Variants in PDHB observed in about 807,000 individuals in gnomAD.
PDHB encodes the protein pyruvate dehydrogenase E1 component subunit beta, mitochondrial.
PDHB carries 17 observed loss-of-function variants against 42.8 expected under a neutral mutation model. That is an observed-to-expected ratio of 0.40 (90% CI 0.27 to 0.60). The LOEUF is 0.60. Among genes scored for constraint, PDHB ranks in the 20% least tolerant of loss-of-function variants. PDHB has a pLI of 0.46. For synonymous variants in PDHB, 154 were observed against 148.7 expected (o/e 1.04, Z -0.26); for missense variants, 322 against 451.3 (o/e 0.71, Z 2.60).
chr3:58,429,952 AAC>A, intron 7 of PDHB, 153 bp from the exon 8 acceptor site: 2 of 735,030 alleles, frequency 2.7e-6, no homozygotes, highest in East Asian at 2.7e-5. Context: ...CTAGAAATGA[AAC>A]ACAAACCTAC....
At position 58,431,555 on chromosome 3, in the gene PDHB, A is replaced by T. The variant is rs536665920; in HGVS notation, c.303+38T>A. The T allele has an allele frequency of 1.3e-6, 2 of 1,527,668 alleles. No homozygotes were observed. Among genetic ancestry groups the T allele is most frequent in the South Asian group, 2.2e-5 (2 of 89,182 alleles). 94.6% of individuals were successfully genotyped at this position (1,527,668 alleles called of 1,614,324 possible). ...CAAAAGAAAAAAAAAGAAAACAAGA[A>T]ATGTCTTTGGATAAGTTTCATAAAG... On this transcript the variant is annotated intron_variant, in intron 5 of 9. Transcript: ENST00000302746. The surrounding 1 kb of genome is among the most constrained non-coding windows in gnomAD (Gnocchi z 4.4).
At chr3:58,429,180 C>G (rs1308502781) in intron 8 of PDHB, among the ~76,000 whole-genome samples, 1 of 152,208 alleles carries the variant, frequency 6.6e-6, no homozygotes, top group Non-Finnish European at 1.5e-5. Flanking sequence ...CCATCATGTA[C>G]CAAGCACTAC....
At position 58,429,901 on chromosome 3, in the gene PDHB, T is replaced by C. The variant is rs771948680; in HGVS notation, c.701-102A>G. On this transcript the variant is annotated intron_variant, in intron 7 of 9. Transcript: ENST00000302746. The stretch of plus-strand genomic sequence containing the variant: ...TCTTGTTCATTCATAAAGTCTTCAA[T>C]TCAACTTCATTCCAGTGAGCTGAGG... The C allele has an allele frequency of 4.3e-4, 341 of 795,256 alleles. No individual in the cohort carries two copies. The highest frequency in any genetic ancestry group is 5.7e-4 in the Non-Finnish European group (252 of 445,412). The allele number at this position is 795,256 out of a possible 1,614,324, so 49.3% of individuals were successfully genotyped here. A position where few individuals can be genotyped will look rare whatever the true frequency, so the allele number is the denominator to read the frequency against.
chr3:58,433,750 C>T lies in PDHB; in HGVS notation c.42+18G>A. 1 of 1,612,294 alleles carries T rather than the reference C, an allele frequency of 6.2e-7. No individual in the cohort carries two copies. On this transcript the variant is annotated intron_variant, in intron 1 of 9. Coordinates refer to ENST00000302746, the MANE Select transcript of PDHB (RefSeq NM_000925.4). ...GGCAGGGGTCGCGTGGGAATACAGG[C>T]CGCGCGCTGCTGCCTACCTCCCGAA...
rs1389867739 is a variant in PDHB, at chr3:58,427,723, G to A, written c.*311C>T. ...TTTATACATATAAGTTATCTTGTTT[G>A]GATACATCTTTCATGAGGACTCTGC... On this transcript the variant is annotated 3_prime_UTR_variant, in exon 10 of 10. Transcript: ENST00000302746. The A allele has an allele frequency of 6.3e-6, 3 of 478,326 alleles. No homozygotes were observed. The highest frequency in any genetic ancestry group is 4.7e-5 in the Admixed American group (2 of 42,796). The allele number at this position is 478,326 out of a possible 1,614,324, so 29.6% of individuals were successfully genotyped here. A position where few individuals can be genotyped will look rare whatever the true frequency, so the allele number is the denominator to read the frequency against.
In PDHB at chr3:58,427,837, G is replaced by A. The variant is rs1325931358; in HGVS notation, c.*197C>T. The A allele has an allele frequency of 1.5e-6, 1 of 652,684 alleles. No individual in the cohort carries two copies. Among genetic ancestry groups the A allele is most frequent in the Non-Finnish European group, 2.8e-6 (1 of 355,904 alleles). 40.4% of individuals were successfully genotyped at this position (652,684 alleles called of 1,614,324 possible). A position where few individuals can be genotyped will look rare whatever the true frequency, so the allele number is the denominator to read the frequency against. ...AACATGGCAACCGTAACAGACAAAA[G>A]GAAGCATGGCATCTAGGGGAGGAGA... On this transcript the variant is annotated 3_prime_UTR_variant, in exon 10 of 10. Coordinates refer to ENST00000302746, the MANE Select transcript of PDHB (RefSeq NM_000925.4).
intron 7 of PDHB, 145 bp from the exon 8 acceptor site, chr3:58,429,944 AGAAAT>A (rs1166581522): frequency 1.4e-6 from 1 of 740,344 alleles, no homozygotes; most frequent in Non-Finnish European, 2.4e-6. Flanking sequence ...CAGCCTTCCT[AGAAAT>A]GAAACACAAA....
In PDHB at chr3:58,431,737, T is replaced by G; in HGVS notation, c.261A>C (p.Ile87=). ...YGDKRIIDTP[I]SEMGFAGIAV... ...TTCCCACTGGAAGGCTTACCTCTGA[T>G]ATGGGAGTGTCAATAATCCTCTTGT... Residue 87 remains isoleucine, a synonymous_variant, in exon 4 of 10, where the codon ATA becomes ATC. Coordinates refer to ENST00000302746, the MANE Select transcript of PDHB (RefSeq NM_000925.4). The surrounding 1 kb of genome is among the most constrained non-coding windows in gnomAD (Gnocchi z 4.4). 6.2e-7 allele frequency: 1 copy of G among 1,613,310 alleles called. No homozygotes were observed. Among genetic ancestry groups the G allele is most frequent in the Non-Finnish European group, 8.5e-7 (1 of 1,179,232 alleles).
In PDHB at chr3:58,431,933, C is replaced by T. The variant is rs111470467; in HGVS notation, c.148G>A (p.Asp50Asn). The T allele has an allele frequency of 3.1e-6, 5 of 1,613,986 alleles. No homozygotes were observed. The highest frequency in any genetic ancestry group is 8.5e-7 in the Non-Finnish European group (1 of 1,179,936). ...NQGMDEELER[D>N]EKVFLLGEEV... ...TCTCCAAGCAGAAATACCTTCTCAT[C>T]TCTTTCCAGCTCCTCATCCATACCC... The change falls in exon 3 of 10, where the codon GAT becomes AAT. Residue 50 changes from aspartate (D) to asparagine (N), a missense_variant. Coordinates refer to ENST00000302746, the MANE Select transcript of PDHB (RefSeq NM_000925.4). This position sits in a 1 kb window ranked among gnomAD's most constrained non-coding sequence, Gnocchi z 4.4.
chr3:58,427,681 A>G lies in PDHB; in HGVS notation c.*353T>C, dbSNP rs1126735. ...ATCAAAACAAACTAACAGTAAATGT[A>G]TATTATATGCTTTAATTTTATACAT... On this transcript the variant is annotated 3_prime_UTR_variant, in exon 10 of 10. Transcript: ENST00000302746. The G allele has an allele frequency of 0.3, 119,374 of 401,114 alleles. 20,220 individuals are homozygous for G. The highest frequency in any genetic ancestry group is 0.41 in the Middle Eastern group (479 of 1,170). The allele number at this position is 401,114 out of a possible 1,614,324, so 24.8% of individuals were successfully genotyped here.
Position 58,427,840 on chromosome 3 carries a change from A to C in PDHB, c.*194T>G, listed in dbSNP as rs2062882638. 1.5e-6 allele frequency: 1 copy of C among 655,464 alleles called. No individual in the cohort carries two copies. The highest frequency in any genetic ancestry group is 2.8e-6 in the Non-Finnish European group (1 of 357,442). The allele number at this position is 655,464 out of a possible 1,614,324, so 40.6% of individuals were successfully genotyped here. On this transcript the variant is annotated 3_prime_UTR_variant, in exon 10 of 10. Coordinates refer to ENST00000302746, the MANE Select transcript of PDHB (RefSeq NM_000925.4). Reference sequence around the variant, plus strand: ...ATGGCAACCGTAACAGACAAAAGGAAGCATGGCATCTAGGGGAGGAGAGTG... The same window carrying C: ...ATGGCAACCGTAACAGACAAAAGGACGCATGGCATCTAGGGGAGGAGAGTG...
intron 2 of PDHB, chr3:58,433,364 A>AAT: frequency 1.7e-6 from 1 of 593,734 alleles, no homozygotes; most frequent in South Asian, 2.0e-5. Flanking sequence ...ATTTTGCTGC[A>AAT]ATTTAAAGAA....
Position 58,431,554 on chromosome 3 carries a change from A to G in PDHB, c.303+39T>C. 1 of 1,522,870 alleles carries G rather than the reference A, an allele frequency of 6.6e-7. No individual in the cohort carries two copies. The highest frequency in any genetic ancestry group is 1.4e-5 in the African/African-American group (1 of 73,316). 94.3% of individuals were successfully genotyped at this position (1,522,870 alleles called of 1,614,324 possible). The stretch of plus-strand genomic sequence containing the variant: ...TCAAAAGAAAAAAAAAGAAAACAAG[A>G]AATGTCTTTGGATAAGTTTCATAAA... On this transcript the variant is annotated intron_variant, in intron 5 of 9. Coordinates refer to ENST00000302746, the MANE Select transcript of PDHB (RefSeq NM_000925.4). The surrounding 1 kb of genome is among the most constrained non-coding windows in gnomAD (Gnocchi z 4.4).
rs762644804 is a variant in PDHB at position 58,430,829 on chromosome 3, A to G, written c.417T>C (p.Pro139=). 6.2e-6 allele frequency: 10 copies of G among 1,614,088 alleles called. No individual in the cohort carries two copies. Among genetic ancestry groups the G allele is most frequent in the East Asian group, 2.2e-5 (1 of 44,898 alleles). Residue 139 remains proline, a synonymous_variant, in exon 6 of 10, where the codon CCT becomes CCC. Coordinates refer to ENST00000302746, the MANE Select transcript of PDHB (RefSeq NM_000925.4). ...TGGGCCCTCTGAAGACTATAGGCAC[A>G]GGCTGAAGGCCACCAGACATGTAGT... ...KTYYMSGGLQ[P]VPIVFRGPNG...
Position 58,431,496 on chromosome 3 carries a change from A to T in PDHB, c.303+97T>A, listed in dbSNP as rs918246541. 1.0e-6 allele frequency: 1 copy of T among 953,978 alleles called. No individual in the cohort carries two copies. The highest frequency in any genetic ancestry group is 1.7e-6 in the Non-Finnish European group (1 of 586,128). The allele number at this position is 953,978 out of a possible 1,614,324, so 59.1% of individuals were successfully genotyped here. A position where few individuals can be genotyped will look rare whatever the true frequency, so the allele number is the denominator to read the frequency against. ...CTGGAAGCTGAGATGGTGCCAGTGC[A>T]CTCCAGGCTGGACAACAGAGTGAGA... On this transcript the variant is annotated intron_variant, in intron 5 of 9. Coordinates refer to ENST00000302746, the MANE Select transcript of PDHB (RefSeq NM_000925.4). The surrounding 1 kb of genome is among the most constrained non-coding windows in gnomAD (Gnocchi z 4.4).
At chr3:58,432,091 A>G in intron 2 of PDHB, 107 bp from the exon 3 acceptor site, 1 of 760,012 alleles carries the variant, frequency 1.3e-6, no homozygotes, top group Non-Finnish European at 2.4e-6. Flanking sequence ...ATATAAAAAC[A>G]CTAGAACAAG....
intron 8 of PDHB, chr3:58,428,854 C>T: frequency 1.9e-6 from 1 of 526,730 alleles, no homozygotes; most frequent in African/African-American, 1.9e-5. Flanking sequence ...TATCTTCCTT[C>T]ACTTTTTTAT....
chr3:58,433,680 G>A lies in PDHB; in HGVS notation c.47C>T (p.Ser16Phe). ...GLVRRPLREV[S>F]GLLKRRFHWT... Reference sequence around the variant, plus strand: ...GTGAAAGCGCCTCTTCAGCAGCCCGGAGACCTGGCAGGGAGAGAGGAAGAT... The same window carrying A: ...GTGAAAGCGCCTCTTCAGCAGCCCGAAGACCTGGCAGGGAGAGAGGAAGAT... Residue 16 changes from serine (S) to phenylalanine (F), a missense_variant, in exon 2 of 10, where the codon TCC becomes TTC. Physicochemically the swap from Ser to Phe is radical, Grantham distance 155. Transcript: ENST00000302746. The A allele has an allele frequency of 6.2e-7, 1 of 1,612,878 alleles. No homozygotes were observed. The highest frequency in any genetic ancestry group is 8.5e-7 in the Non-Finnish European group (1 of 1,179,674).
At chr3:58,428,915 C>T (rs571268780) in intron 8 of PDHB, 14 of 356,568 alleles carry the variant, frequency 3.9e-5, no homozygotes, top group African/African-American at 2.3e-4. Context: ...AGTGCAGTGG[C>T]GTGATCTCGG....
Sources: gnomAD v4.1 joint callset for allele counts (sites outside exome capture counted in the v4.1 genomes callset) on GRCh38, gnomAD v4.1.1 for gene constraint, Gnocchi (gnomAD v3.1) non-coding constraint, MANE v1.5 for transcripts, NCBI Gene and HGNC (gene_info 2026-07-23, HGNC 2026-07-21) for gene names.